KRT31: variants seen among roughly 807,000 people sequenced by gnomAD.
KRT31 encodes keratin 31, also known as keratin, type I cuticular Ha1.
KRT31 carries 27 observed loss-of-function variants against 40.8 expected under a neutral mutation model. The observed-to-expected ratio is 0.66, with a 90% CI of 0.49 to 0.91. The LOEUF (loss-of-function observed/expected upper bound fraction) is 0.91. Among genes scored for constraint, KRT31 ranks in the 40% least tolerant of loss-of-function variants. The pLI is 0.00. For synonymous variants in KRT31, 231 were observed against 231.9 expected (o/e 1.00, Z 0.03); for missense variants, 510 against 544.1 (o/e 0.94, Z 0.62).
In KRT31 at chr17:41,397,557, AGG is replaced by A; in HGVS notation, c.-20_-19del. ...TAGGGCATAGTGCTGGGAGGGAGGG[AGG>A]GAGTGCCTGGCTGAAGACAGAGTCT... On this transcript the variant is annotated 5_prime_UTR_variant, in exon 1 of 7. Coordinates refer to ENST00000251645, the MANE Select transcript of KRT31 (RefSeq NM_002277.3). 1 of 868,744 alleles carries A rather than the reference AGG, an allele frequency of 1.2e-6. No homozygotes were observed. The highest frequency in any genetic ancestry group is 1.3e-5 in the South Asian group (1 of 74,668). The allele number at this position is 868,744 out of a possible 1,614,324, so 53.8% of individuals were successfully genotyped here.
In KRT31 at chr17:41,393,890, C is replaced by A; in HGVS notation, c.*126G>T. 1 of 1,063,594 alleles carries A rather than the reference C, an allele frequency of 9.4e-7. No individual in the cohort carries two copies. Among genetic ancestry groups the A allele is most frequent in the Non-Finnish European group, 1.3e-6 (1 of 759,458 alleles). The allele number at this position is 1,063,594 out of a possible 1,614,324, so 65.9% of individuals were successfully genotyped here. On this transcript the variant is annotated 3_prime_UTR_variant, in exon 7 of 7. Coordinates refer to ENST00000251645, the MANE Select transcript of KRT31 (RefSeq NM_002277.3). ...TACAGGCTTTGGGTGAGTTTCTTGGCTGCCTTACGCGGGCAACTCCAGCCA... is the reference window on the plus strand; with the variant it reads ...TACAGGCTTTGGGTGAGTTTCTTGGATGCCTTACGCGGGCAACTCCAGCCA...
rs965176715 is a variant in KRT31 at position 41,393,937 on chromosome 17, C to T, written c.*79G>A. The T allele has an allele frequency of 7.4e-6, 11 of 1,492,038 alleles. No homozygotes were observed. Among genetic ancestry groups the T allele is most frequent in the South Asian group, 1.2e-5 (1 of 80,608 alleles). 92.4% of individuals were successfully genotyped at this position (1,492,038 alleles called of 1,614,324 possible). A position where few individuals can be genotyped will look rare whatever the true frequency, so the allele number is the denominator to read the frequency against. ...GCCATGCAAATGATGTTTTCAGGCC[C>T]CTTTTGTTGAACCAGAGCCAGGTCA... On this transcript the variant is annotated 3_prime_UTR_variant, in exon 7 of 7. Transcript: ENST00000251645.
In KRT31 at chr17:41,395,263, C is replaced by A; in HGVS notation, c.858G>T (p.Leu286=). 1 of 1,612,796 alleles carries A rather than the reference C, an allele frequency of 6.2e-7. No homozygotes were observed. The highest frequency in any genetic ancestry group is 8.5e-7 in the Non-Finnish European group (1 of 1,180,034). ...TACACACCAGGTTGTGCTGGGCCTG[C>A]AGCTCGATCTCCAGGGCGTTGACTG... ...RRTVNALEIE[L]QAQHNLRDSL... Residue 286 remains leucine, a synonymous_variant, in exon 5 of 7, where the codon CTG becomes CTT. Transcript: ENST00000251645.
chr17:41,395,611 G>A lies in KRT31; in HGVS notation c.601C>T (p.Leu201=). ...KSNHEQEVNT[L]RCQLGDRLNV... ...AGGCGGTCTCCAAGCTGGCAGCGCA[G>A]GGTATTGACCTCCTATGGATGCAGA... Residue 201 remains leucine, a synonymous_variant, in exon 4 of 7, where the codon CTG becomes TTG. Coordinates refer to ENST00000251645, the MANE Select transcript of KRT31 (RefSeq NM_002277.3). 6.2e-7 allele frequency: 1 copy of A among 1,614,162 alleles called. No individual in the cohort carries two copies. The highest frequency in any genetic ancestry group is 8.5e-7 in the Non-Finnish European group (1 of 1,179,992).
In KRT31 at chr17:41,395,493, C is replaced by A; in HGVS notation, c.719G>T (p.Arg240Leu). ...SQYEALVETN[R>L]REVEQWFTTQ... ...GGTGAACCATTGCTCCACTTCCCTG[C>A]GGTTGGTTTCCACCAGGGCCTCATA... is the stretch of plus-strand genomic sequence containing the variant. Residue 240 changes from arginine to leucine, a missense_variant, in exon 4 of 7, where the codon CGC (arginine) becomes CTC (leucine). Physicochemically the swap from Arg to Leu is moderately radical, Grantham distance 102. Coordinates refer to ENST00000251645, the MANE Select transcript of KRT31 (RefSeq NM_002277.3). The A allele has an allele frequency of 1.2e-6, 2 of 1,614,192 alleles. No individual in the cohort carries two copies. Among genetic ancestry groups the A allele is most frequent in the South Asian group, 1.1e-5 (1 of 91,082 alleles).
chr17:41,395,567 A>G lies in KRT31; in HGVS notation c.645T>C (p.Ala215=), dbSNP rs769497489. 8.7e-6 allele frequency: 14 copies of G among 1,614,098 alleles called. No homozygotes were observed. The highest frequency in any genetic ancestry group is 1.2e-5 in the Non-Finnish European group (14 of 1,180,046). ...LGDRLNVEVD[A]APTVDLNRVL... Reference sequence around the variant, plus strand: ...CCCGATTCAGGTCCACAGTGGGAGCAGCATCCACCTCCACATTGAGGCGGT... The same window carrying G: ...CCCGATTCAGGTCCACAGTGGGAGCGGCATCCACCTCCACATTGAGGCGGT... Residue 215 remains alanine (A), a synonymous_variant, in exon 4 of 7, where the codon GCT becomes GCC. Coordinates refer to ENST00000251645, the MANE Select transcript of KRT31 (RefSeq NM_002277.3).
chr17:41,396,335 T>A, intron 3 of KRT31, 85 bp downstream of exon 3: 2 of 1,345,968 alleles, frequency 1.5e-6, no homozygotes, highest in Non-Finnish European at 2.0e-6. Flanking sequence ...GTACTCATAC[T>A]CTGCATTCTG....
In KRT31 at chr17:41,397,251, G is replaced by C. The variant is rs900418191; in HGVS notation, c.289C>G (p.Pro97Ala). The C allele has an allele frequency of 6.2e-7, 1 of 1,614,194 alleles. No individual in the cohort carries two copies. Among genetic ancestry groups the C allele is most frequent in the African/African-American group, 1.3e-5 (1 of 75,050 alleles). Residue 97 changes from proline (P) to alanine (A), a missense_variant, in exon 1 of 7, where the codon CCC becomes GCC. Coordinates refer to ENST00000251645, the MANE Select transcript of KRT31 (RefSeq NM_002277.3). ...LIRERSQQQE[P>A]LLCPSYQSYF... ...GACTGGTAACTGGGGCACAGCAAGG[G>C]CTCCTGCTGCTGAGACCGCTCCCGG...
In KRT31 at chr17:41,394,904, G is replaced by A; in HGVS notation, c.1041C>T (p.Ala347=). 6.2e-7 allele frequency: 1 copy of A among 1,613,596 alleles called. No individual in the cohort carries two copies. Among genetic ancestry groups the A allele is most frequent in the South Asian group, 1.1e-5 (1 of 91,054 alleles). The change falls in exon 6 of 7, where the codon GCC becomes GCT. Residue 347 remains alanine (A), a synonymous_variant. Transcript: ENST00000251645. The stretch of plus-strand genomic sequence containing the variant: ...ATGTGTTGATCTCACACTCCAGCCG[G>A]GCACGCACATCCAGCAGCACCTGGT... The part of the protein sequence containing the change: ...QEYQVLLDVR[A]RLECEINTYR...
At position 41,394,870 on chromosome 17, in the gene KRT31, G is replaced by A. The variant is rs2018191638; in HGVS notation, c.1075C>T (p.Leu359=). ...LECEINTYRS[L]LESEDCNLPS... The stretch of plus-strand genomic sequence containing the variant: ...CACTTGCAGTCCTCGCTCTCCAGCA[G>A]GCTCCGGTATGTGTTGATCTCACAC... Residue 359 remains leucine (L), a synonymous_variant, in exon 6 of 7, where the codon CTG becomes TTG. Transcript: ENST00000251645. 1 of 1,614,176 alleles carries A rather than the reference G, an allele frequency of 6.2e-7. No individual in the cohort carries two copies. Among genetic ancestry groups the A allele is most frequent in the African/African-American group, 1.3e-5 (1 of 75,060 alleles).
intron 5 of KRT31, 27 bp from the exon 6 acceptor site, chr17:41,395,095 A>G (rs781183957): frequency 1.2e-6 from 2 of 1,613,622 alleles, no homozygotes; most frequent in Non-Finnish European, 1.7e-6. Context: ...TGGGAATGTC[A>G]GAGAGCTGCT....
rs6503627 is a variant in KRT31 at position 41,397,295 on chromosome 17, G to A, written c.245C>T (p.Ala82Val). The A allele has an allele frequency of 0.074, 119,665 of 1,614,120 alleles. 4,845 individuals are homozygous for A. The highest frequency in any genetic ancestry group is 0.082 in the Non-Finnish European group (97,312 of 1,180,026). Residue 82 changes from alanine (A) to valine (V), a missense_variant, in exon 1 of 7, where the codon GCG (alanine) becomes GTG (valine). Ala to Val is a moderately conservative substitution (Grantham distance 64, BLOSUM62 0). Coordinates refer to ENST00000251645, the MANE Select transcript of KRT31 (RefSeq NM_002277.3). ...EKVRQLERDN[A>V]ELENLIRERS... ...CTCCCGGATGAGGTTCTCCAGCTCC[G>A]CGTTGTCCCGCTCCAGCTGACGCAC...
chr17:41,397,603 A>G lies in KRT31; in HGVS notation c.-64T>C. 1.3e-6 allele frequency: 2 copies of G among 1,521,564 alleles called. No homozygotes were observed. Among genetic ancestry groups the G allele is most frequent in the Non-Finnish European group, 1.8e-6 (2 of 1,130,902 alleles). 94.3% of individuals were successfully genotyped at this position (1,521,564 alleles called of 1,614,324 possible). On this transcript the variant is annotated 5_prime_UTR_variant, in exon 1 of 7. Coordinates refer to ENST00000251645, the MANE Select transcript of KRT31 (RefSeq NM_002277.3). The stretch of plus-strand genomic sequence containing the variant: ...AGAGTCTAAATTCTCCAAGCCACAG[A>G]GCTGTGGGTCTCCTTCCTCTAGGGA...
At position 41,394,050 on chromosome 17, in the gene KRT31, G is replaced by A. The variant is rs530952736; in HGVS notation, c.1217C>T (p.Pro406Leu). ...GAAGGAATTGCAGGGCCCACAGCGG[G>A]GGCGTGGGGCACAGGGTGTGCAGGG... ...PAPCTPCAPR[P>L]RCGPCNSFVR The change falls in exon 7 of 7, where the codon CCC (proline) becomes CTC (leucine). Residue 406 changes from proline to leucine, a missense_variant. Pro to Leu is a moderately conservative substitution (Grantham distance 98, BLOSUM62 -3). Coordinates refer to ENST00000251645, the MANE Select transcript of KRT31 (RefSeq NM_002277.3). The A allele has an allele frequency of 6.2e-7, 1 of 1,613,614 alleles. No homozygotes were observed. Among genetic ancestry groups the A allele is most frequent in the African/African-American group, 1.3e-5 (1 of 74,998 alleles).
At chr17:41,395,695 T>A in intron 3 of KRT31, 72 bp from the exon 4 acceptor site, 1 of 1,515,900 alleles carries the variant, frequency 6.6e-7, no homozygotes, top group Non-Finnish European at 8.9e-7. Context: ...CATTGCTTGT[T>A]GAAACCCTGT....
Position 41,393,834 on chromosome 17 carries a change from G to A in KRT31, c.*182C>T. ...AACAGACCCCCAGGAAGGAAAGGGT[G>A]AGCAGGACAGTCTGGAGTAGTTGGG... On this transcript the variant is annotated 3_prime_UTR_variant, in exon 7 of 7. Transcript: ENST00000251645. 1.7e-6 allele frequency: 1 copy of A among 601,896 alleles called. No individual in the cohort carries two copies. Among genetic ancestry groups the A allele is most frequent in the African/African-American group, 1.9e-5 (1 of 51,634 alleles). The allele number at this position is 601,896 out of a possible 1,614,324, so 37.3% of individuals were successfully genotyped here.
At position 41,397,268 on chromosome 17, in the gene KRT31, C is replaced by T. The variant is rs770365314; in HGVS notation, c.272G>A (p.Arg91Gln). 3.1e-6 allele frequency: 5 copies of T among 1,614,162 alleles called. No individual in the cohort carries two copies. The highest frequency in any genetic ancestry group is 2.2e-5 in the South Asian group (2 of 91,072). Residue 91 changes from arginine (R) to glutamine (Q), a missense_variant, in exon 1 of 7, where the codon CGG becomes CAG. Transcript: ENST00000251645. ...CAGCAAGGGCTCCTGCTGCTGAGAC[C>T]GCTCCCGGATGAGGTTCTCCAGCTC... Reference protein sequence around the residue: ...NAELENLIRERSQQQEPLLCP... With the variant: ...NAELENLIREQSQQQEPLLCP...
chr17:41,394,883 G>A lies in KRT31; in HGVS notation c.1062C>T (p.Asn354=), dbSNP rs139879817. 4 of 1,614,174 alleles carry A rather than the reference G, an allele frequency of 2.5e-6. No homozygotes were observed. The highest frequency in any genetic ancestry group is 3.4e-6 in the Non-Finnish European group (4 of 1,180,038). Residue 354 remains asparagine (N), a synonymous_variant, in exon 6 of 7, where the codon AAC becomes AAT. Transcript: ENST00000251645. The part of the protein sequence containing the change: ...DVRARLECEI[N]TYRSLLESED... ...CGCTCTCCAGCAGGCTCCGGTATGT[G>A]TTGATCTCACACTCCAGCCGGGCAC... is the stretch of plus-strand genomic sequence containing the variant.
Position 41,394,876 on chromosome 17 carries a change from G to A in KRT31, c.1069C>T (p.Arg357Trp), listed in dbSNP as rs143943601. ...CAGTCCTCGCTCTCCAGCAGGCTCC[G>A]GTATGTGTTGATCTCACACTCCAGC... ...ARLECEINTY[R>W]SLLESEDCNL... Residue 357 changes from arginine to tryptophan, a missense_variant, in exon 6 of 7, where the codon CGG becomes TGG. Transcript: ENST00000251645. The A allele has an allele frequency of 4.9e-5, 79 of 1,614,012 alleles. No homozygotes were observed. The highest frequency in any genetic ancestry group is 1.8e-4 in the East Asian group (8 of 44,892).
Sources: allele counts gnomAD v4.1 joint callset, GRCh38; gene constraint gnomAD v4.1.1; transcripts MANE v1.5; gene names NCBI Gene and HGNC (gene_info 2026-07-23, HGNC 2026-07-21).